Variants in GALNT14 observed in about 807,000 individuals in gnomAD.
GALNT14 encodes the protein polypeptide N-acetylgalactosaminyltransferase 14, also known as UDP-GalNAc:polypeptide N-acetylgalactosaminyltransferase 14.
In GALNT14, 60 loss-of-function variants were observed where a neutral mutation model predicts 77.5. The ratio of observed to expected loss-of-function variants is 0.77; its 90% CI spans 0.63 to 0.96. The LOEUF is 0.96. GALNT14 is among the 40% of genes least tolerant of loss of function. The pLI is 0.00. For missense variants in GALNT14, 710 were observed against 731.0 expected (o/e 0.97, Z 0.33); for synonymous variants, 280 against 281.7 (o/e 0.99, Z 0.06).
chr2:30,978,506 T>A (rs1331410751), intron 2 of GALNT14, among the ~76,000 whole-genome samples: 1 of 152,174 alleles, frequency 6.6e-6, no homozygotes, highest in African/African-American at 2.4e-5. Context: ...CTCCCACACA[T>A]CAGGGGGATG....
At chr2:30,963,760 G>C (rs575113405) in intron 3 of GALNT14, among the ~76,000 whole-genome samples, 2 of 152,318 alleles carry the variant, frequency 1.3e-5, no homozygotes, top group East Asian at 3.9e-4. Context: ...TTGACTCCAG[G>C]TCTTCTGACT....
At chr2:30,965,653 G>A (rs962527901) in intron 3 of GALNT14, among the ~76,000 whole-genome samples, 36 of 152,186 alleles carry the variant, frequency 2.4e-4, no homozygotes, top group Admixed American at 1.8e-3. Flanking sequence ...GCAAGAACAC[G>A]ACCCAGAGGA....
rs77189171 is a variant in GALNT14 at position 30,941,975 on chromosome 2, C to T, written c.931+226G>A. ...CCCTGGTTCTCAACATCCATGCAGC[C>T]GCCTCATGGAGAGATTCCCTTATTA... On this transcript the variant is annotated intron_variant, in intron 9 of 14. Transcript: ENST00000349752. Among the ~76,000 whole-genome samples, 1,522 of 152,262 alleles carry T rather than the reference C, an allele frequency of 1.0e-2. 26 individuals are homozygous for T. Among genetic ancestry groups the T allele is most frequent in the African/African-American group, 0.035 (1,459 of 41,538 alleles).
chr2:30,970,016 A>G (rs76170987), intron 2 of GALNT14, among the ~76,000 whole-genome samples: 3,455 of 152,294 alleles, frequency 0.023, 142 homozygotes, highest in East Asian at 0.21. Flanking sequence ...ACAATTCTGG[A>G]AGATTTTCTC....
intron 1 of GALNT14, among the ~76,000 whole-genome samples, chr2:31,015,589 C>T (rs939674077): frequency 6.6e-6 from 1 of 152,188 alleles, no homozygotes; most frequent in Admixed American, 6.5e-5. Flanking sequence ...AGACTGCTGG[C>T]CAGTACCACC....
At chr2:30,959,458 A>G (rs2148327744) in intron 3 of GALNT14, among the ~76,000 whole-genome samples, 1 of 152,252 alleles carries the variant, frequency 6.6e-6, no homozygotes, top group Admixed American at 6.5e-5. Flanking sequence ...GCATATGATG[A>G]TTCTACCCTC....
chr2:31,015,011 C>T (rs751138959), intron 1 of GALNT14, among the ~76,000 whole-genome samples: 1 of 152,080 alleles, frequency 6.6e-6, no homozygotes, highest in East Asian at 1.9e-4. Context: ...GGAGCTTGGC[C>T]GGGCACCGTG....
chr2:30,921,430 C>T (rs1174525300), intron 13 of GALNT14, among the ~76,000 whole-genome samples: 4 of 152,218 alleles, frequency 2.6e-5, no homozygotes, highest in African/African-American at 9.6e-5. Context: ...CTCATCCAGG[C>T]AGTCACGCCT....
chr2:31,021,374 G>A (rs1671706574), intron 1 of GALNT14, among the ~76,000 whole-genome samples: 1 of 150,386 alleles, frequency 6.6e-6, no homozygotes, highest in Admixed American at 6.7e-5. Flanking sequence ...GTGTGATCTC[G>A]GCTCACTGCA....
At chr2:31,090,715 C>T (rs1349835312) in intron 1 of GALNT14, among the ~76,000 whole-genome samples, 1 of 151,854 alleles carries the variant, frequency 6.6e-6, no homozygotes, top group African/African-American at 2.4e-5. Flanking sequence ...CTCCTGACCT[C>T]AGGTGATCCA....
At chr2:30,929,940 A>C (rs1463952306) in intron 10 of GALNT14, among the ~76,000 whole-genome samples, 1 of 152,172 alleles carries the variant, frequency 6.6e-6, no homozygotes, top group African/African-American at 2.4e-5. Context: ...GTCTACCTGC[A>C]TTTTGACTGC....
chr2:31,113,385 G>T (rs529441673), intron 1 of GALNT14, among the ~76,000 whole-genome samples: 6 of 152,150 alleles, frequency 3.9e-5, no homozygotes, highest in Admixed American at 2.6e-4. Flanking sequence ...AGACACAGGA[G>T]CAAGATCAGT....
chr2:31,100,700 G>T (rs1677226710), intron 1 of GALNT14, among the ~76,000 whole-genome samples: 1 of 100,304 alleles, frequency 1.0e-5, no homozygotes, highest in Non-Finnish European at 2.0e-5. Flanking sequence ...GTTTTAGCCT[G>T]TTAAAAAAAA....
chr2:30,946,385 C>T (rs1326544825), intron 6 of GALNT14, among the ~76,000 whole-genome samples: 1 of 152,144 alleles, frequency 6.6e-6, no homozygotes, highest in Non-Finnish European at 1.5e-5. Context: ...ACACTATCCC[C>T]TTGGTGCTGT....
chr2:30,979,955 C>T (rs1026379707), intron 2 of GALNT14, among the ~76,000 whole-genome samples: 5 of 152,242 alleles, frequency 3.3e-5, no homozygotes, highest in Non-Finnish European at 7.3e-5. Context: ...GCTTCCATCC[C>T]CAGTATCTTT....
intron 1 of GALNT14, among the ~76,000 whole-genome samples, chr2:31,023,650 G>T (rs573669074): frequency 6.6e-6 from 1 of 152,154 alleles, no homozygotes; most frequent in South Asian, 2.1e-4. Context: ...CTTGCACATG[G>T]TTAAATCCAA....
intron 1 of GALNT14, among the ~76,000 whole-genome samples, chr2:31,093,846 A>G (rs1312563706): frequency 6.6e-6 from 1 of 152,242 alleles, no homozygotes; most frequent in Admixed American, 6.5e-5. Context: ...TGGAGCCGTC[A>G]GGCTCTTCCA....
intron 1 of GALNT14, among the ~76,000 whole-genome samples, chr2:31,115,096 T>C (rs1180497967): frequency 2.0e-5 from 3 of 151,460 alleles, no homozygotes; most frequent in African/African-American, 4.9e-5. Flanking sequence ...AATAAATAAA[T>C]AAAATTAGCC....
At chr2:30,906,918 C>G (rs1216615895), downstream of GALNT14, among the ~76,000 whole-genome samples, 2 of 152,168 alleles carry the variant, frequency 1.3e-5, no homozygotes, top group Non-Finnish European at 2.9e-5. Flanking sequence ...CTCAAAACCA[C>G]GCAACTACAT....
Sources: allele counts gnomAD v4.1 joint callset (sites outside exome capture counted in the v4.1 genomes callset), GRCh38; gene constraint gnomAD v4.1.1; transcripts MANE v1.5; gene names NCBI Gene and HGNC (gene_info 2026-07-23, HGNC 2026-07-21).